Variants in POU6F2 observed in about 807,000 individuals in gnomAD.
The protein encoded by POU6F2 is POU class 6 homeobox 2.
A neutral mutation model predicts 71.3 loss-of-function variants in POU6F2; 31 were observed. The ratio of observed to expected loss-of-function variants is 0.43; its 90% CI spans 0.33 to 0.59. POU6F2 has a LOEUF of 0.59. Among genes scored for constraint, POU6F2 ranks in the 20% least tolerant of loss-of-function variants. POU6F2 has a pLI of 0.04. For missense variants in POU6F2, 783 were observed against 856.8 expected, an observed-to-expected ratio of 0.91 and a Z score of 1.07; for synonymous variants, 347 against 355.7, an observed-to-expected ratio of 0.98 and a Z score of 0.27.
chr7:39,172,330 C>A (rs539154191), intron 2 of POU6F2, among the ~76,000 whole-genome samples: 1 of 152,280 alleles, frequency 6.6e-6, no homozygotes, highest in South Asian at 2.1e-4. Context: ...CTATGAGTCA[C>A]TGAGGCTGTT....
intron 1 of POU6F2, among the ~76,000 whole-genome samples, chr7:39,000,460 T>C (rs1042400223): frequency 6.6e-6 from 1 of 152,018 alleles, no homozygotes; most frequent in African/African-American, 2.4e-5. Context: ...CTCCACTGTC[T>C]ATCTTCTGCT....
chr7:39,414,712 G>T (rs1414871433), intron 6 of POU6F2, among the ~76,000 whole-genome samples: 1 of 112,274 alleles, frequency 8.9e-6, no homozygotes, highest in Non-Finnish European at 2.0e-5. Flanking sequence ...CTTCTACCCC[G>T]CCCCCCCACC....
At chr7:39,411,740 CA>C (rs1787555134) in intron 6 of POU6F2, among the ~76,000 whole-genome samples, 1 of 152,140 alleles carries the variant, frequency 6.6e-6, no homozygotes, top group Non-Finnish European at 1.5e-5. Context: ...GAAAGAAAAG[CA>C]ATCAAATGGT....
chr7:39,386,985 C>T (rs561651477), intron 5 of POU6F2, among the ~76,000 whole-genome samples: 18 of 152,342 alleles, frequency 1.2e-4, no homozygotes, highest in African/African-American at 4.3e-4. Context: ...GCTGGAACAG[C>T]AACTGCTCAG....
At chr7:39,281,112 AT>A (rs56928785) in intron 4 of POU6F2, among the ~76,000 whole-genome samples, 1,535 of 152,010 alleles carry the variant, frequency 0.01, 32 homozygotes, top group African/African-American at 0.034. Context: ...TAATGTTTAT[AT>A]TTTTTTATTT....
At chr7:39,422,693 C>A (rs1167197024) in intron 6 of POU6F2, among the ~76,000 whole-genome samples, 1 of 152,148 alleles carries the variant, frequency 6.6e-6, no homozygotes, top group Non-Finnish European at 1.5e-5. Context: ...CCACCATGTG[C>A]CTGCCATGTC....
intron 2 of POU6F2, among the ~76,000 whole-genome samples, chr7:39,183,640 A>G (rs1262185882): frequency 2.0e-5 from 3 of 152,200 alleles, no homozygotes; most frequent in African/African-American, 7.2e-5. Context: ...TAACCAGATC[A>G]CCACCCTCTT....
At chr7:39,458,750 G>A (rs1788867806) in intron 8 of POU6F2, among the ~76,000 whole-genome samples, 1 of 151,974 alleles carries the variant, frequency 6.6e-6, no homozygotes, top group African/African-American at 2.4e-5. Context: ...TAGATTCTCA[G>A]TGTGCTACAC....
intron 7 of POU6F2, among the ~76,000 whole-genome samples, chr7:39,440,887 A>T (rs35222279): frequency 0.34 from 50,840 of 151,372 alleles, 9,461 homozygotes; most frequent in East Asian, 0.58. Flanking sequence ...GTTGTTGTTG[A>T]TGATGATGAT....
At chr7:39,383,484 GAGATCTAAGACCCCCAATT>G (rs1188695788) in intron 5 of POU6F2, among the ~76,000 whole-genome samples, 1 of 152,050 alleles carries the variant, frequency 6.6e-6, no homozygotes. Context: ...CTTTATTCAG[GAGATCTAAGACCCCCAATT>G]AGATCAATCC....
At chr7:39,290,872 G>T (rs1784741231) in intron 4 of POU6F2, among the ~76,000 whole-genome samples, 1 of 152,136 alleles carries the variant, frequency 6.6e-6, no homozygotes, top group Non-Finnish European at 1.5e-5. Flanking sequence ...AGTAAGATGG[G>T]CTAGTGAAAA....
chr7:39,244,177 G>A (rs1783777805), intron 4 of POU6F2, among the ~76,000 whole-genome samples: 1 of 152,108 alleles, frequency 6.6e-6, no homozygotes, highest in African/African-American at 2.4e-5. Flanking sequence ...TTTGTCATGA[G>A]ACATTAGAAT....
At chr7:39,266,562 G>C (rs1784245730) in intron 4 of POU6F2, among the ~76,000 whole-genome samples, 1 of 151,986 alleles carries the variant, frequency 6.6e-6, no homozygotes, top group Non-Finnish European at 1.5e-5. Context: ...ATGGGGACTT[G>C]CTATGTTGCC....
chr7:39,180,853 C>T (rs552303753), intron 2 of POU6F2, among the ~76,000 whole-genome samples: 1 of 152,268 alleles, frequency 6.6e-6, no homozygotes, highest in South Asian at 2.1e-4. Context: ...TTCCCTTTGC[C>T]TTCCAGAGCA....
intron 4 of POU6F2, among the ~76,000 whole-genome samples, chr7:39,320,657 A>G (rs1785369199): frequency 6.6e-6 from 1 of 152,180 alleles, no homozygotes; most frequent in Non-Finnish European, 1.5e-5. Context: ...TGGTTACCTG[A>G]AGCTGCAGAT....
At chr7:39,346,123 T>C (rs540263079) in intron 5 of POU6F2, among the ~76,000 whole-genome samples, 2 of 152,328 alleles carry the variant, frequency 1.3e-5, no homozygotes, top group South Asian at 4.1e-4. Flanking sequence ...AGTTCAACAT[T>C]ACTGGCATTT....
At chr7:39,044,711 G>T (rs73371320) in intron 1 of POU6F2, among the ~76,000 whole-genome samples, 2,546 of 152,054 alleles carry the variant, frequency 0.017, 70 homozygotes, top group African/African-American at 0.058. Flanking sequence ...GCTAAAAATT[G>T]CTGACAGAGC....
At chr7:39,020,532 T>G (rs1387121907) in intron 1 of POU6F2, among the ~76,000 whole-genome samples, 1 of 152,158 alleles carries the variant, frequency 6.6e-6, no homozygotes, top group Non-Finnish European at 1.5e-5. Context: ...ATGAGTCCTT[T>G]TCATTACTTT....
At chr7:39,069,791 G>A (rs1397051618) in intron 1 of POU6F2, among the ~76,000 whole-genome samples, 2 of 152,126 alleles carry the variant, frequency 1.3e-5, no homozygotes, top group Non-Finnish European at 2.9e-5. Context: ...TATCATAAAC[G>A]TATTCATCTT....
Sources: gnomAD v4.1 joint callset for allele counts (sites outside exome capture counted in the v4.1 genomes callset) on GRCh38, gnomAD v4.1.1 for gene constraint, MANE v1.5 for transcripts, NCBI Gene and HGNC (gene_info 2026-07-23, HGNC 2026-07-21) for gene names.